Variants in PIAS3 observed in about 807,000 individuals in gnomAD.
The protein encoded by PIAS3 is protein inhibitor of activated STAT 3.
In PIAS3, 34 loss-of-function variants were observed where a neutral mutation model predicts 67.6. The ratio of observed to expected loss-of-function variants is 0.50; its 90% CI spans 0.38 to 0.67. The LOEUF (loss-of-function observed/expected upper bound fraction) is 0.67, where lower values mean the gene tolerates loss of function less well. PIAS3 is among the 30% of genes least tolerant of loss of function. The pLI, the probability that PIAS3 is intolerant of heterozygous loss-of-function variation, is 0.00. For synonymous variants in PIAS3, 341 were observed against 313.8 expected (o/e 1.09, Z -0.92); for missense variants, 693 against 791.6 (o/e 0.88, Z 1.49).
In PIAS3 at chr1:145,854,828, G is replaced by A; in HGVS notation, c.722C>T (p.Pro241Leu). The change falls in exon 6 of 14, where the codon CCC becomes CTC. Residue 241 changes from proline (P) to leucine (L), a missense_variant. Around this residue, in one of 3 missense-constraint regions of PIAS3, gnomAD observed 308 missense variants for 348.8 expected, o/e 0.88. Transcript: ENST00000393045. ...NGAEPKRPSR[P>L]INITPLARLS... ...TCGAGCCAGGGGTGTGATGTTGATG[G>A]GGCGGCTGGGCCTCTTGGGCTCGGC... is the stretch of plus-strand genomic sequence containing the variant. 6.2e-7 allele frequency: 1 copy of A among 1,614,216 alleles called. No homozygotes were observed. Among genetic ancestry groups the A allele is most frequent in the Non-Finnish European group, 8.5e-7 (1 of 1,180,022 alleles).
At chr1:145,851,305 C>G in intron 9 of PIAS3, 152 bp from the exon 10 acceptor site, 1 of 741,660 alleles carries the variant, frequency 1.3e-6, no homozygotes. Context: ...TTGTTGGAAT[C>G]AAATAACACA....
intron 9 of PIAS3, 80 bp downstream of exon 9, chr1:145,853,419 AAAAAG>A (rs781832614): frequency 1.2e-5 from 14 of 1,163,456 alleles, no homozygotes; most frequent in Middle Eastern, 2.4e-4. Context: ...CAAAAAAAAA[AAAAAG>A]AAAAGAAAAA....
intron 1 of PIAS3, among the ~76,000 whole-genome samples, chr1:145,857,844 C>T (rs1553735930): frequency 1.3e-5 from 2 of 152,110 alleles, no homozygotes; most frequent in Non-Finnish European, 2.9e-5. Flanking sequence ...ACTTACAGCG[C>T]CCCCCTATAG....
chr1:145,858,956 G>A lies in PIAS3; in HGVS notation c.24+11C>T, dbSNP rs781929284. ...TGAGTCCAGATGGGGATGGGGGGAG[G>A]GGGCCGGTACCTTTAATTCGCCCAG... On this transcript the variant is annotated intron_variant, in intron 1 of 13. Transcript: ENST00000393045. 6 of 1,526,592 alleles carry A rather than the reference G, an allele frequency of 3.9e-6. No individual in the cohort carries two copies. In the African/African-American group the frequency reaches 7.1e-5, roughly 18 times the overall value. 94.6% of individuals were successfully genotyped at this position (1,526,592 alleles called of 1,614,324 possible). A position where few individuals can be genotyped will look rare whatever the true frequency, so the allele number is the denominator to read the frequency against.
In PIAS3 at chr1:145,856,772, C is replaced by T. The variant is rs145073158; in HGVS notation, c.259G>A (p.Val87Ile). 7 of 1,613,948 alleles carry T rather than the reference C, an allele frequency of 4.3e-6. No homozygotes were observed. Among genetic ancestry groups the T allele is most frequent in the Non-Finnish European group, 5.9e-6 (7 of 1,179,998 alleles). ...GGAGCTAGAGGACCAGGGGAGCCTA[C>T]AGGAGAGGTGCCAGGGGGCAAAGAG... Reference protein sequence around the residue: ...LLSLPPGTSPVGSPGPLAPIP... With the variant: ...LLSLPPGTSPIGSPGPLAPIP... The change falls in exon 2 of 14, where the codon GTA becomes ATA. Residue 87 changes from valine (V) to isoleucine (I), a missense_variant. Transcript: ENST00000393045.
Position 145,853,838 on chromosome 1 carries a change from C to T in PIAS3, c.959G>A (p.Ser320Asn), listed in dbSNP as rs1570775579. The T allele has an allele frequency of 1.2e-6, 2 of 1,614,084 alleles. No individual in the cohort carries two copies. Among genetic ancestry groups the T allele is most frequent in the East Asian group, 4.5e-5 (2 of 44,882 alleles). Residue 320 changes from serine (S) to asparagine (N), a missense_variant, in exon 8 of 14, where the codon AGT (serine) becomes AAT (asparagine). Around this residue, in one of 3 missense-constraint regions of PIAS3, gnomAD observed 115 missense variants for 181.8 expected, o/e 0.63. Coordinates refer to ENST00000393045, the MANE Select transcript of PIAS3 (RefSeq NM_006099.3). The stretch of plus-strand genomic sequence containing the variant: ...CGGGCACATGAGTGACACCCGGAGA[C>T]TTGTAGTGGCCACCTCACTGTCAGG... ...ADPDSEVATT[S>N]LRVSLMCPLG... is the part of the protein sequence containing the mutation.
chr1:145,856,305 G>T, intron 3 of PIAS3, 42 bp downstream of exon 3: 1 of 1,520,136 alleles, frequency 6.6e-7, no homozygotes, highest in Non-Finnish European at 9.1e-7. Context: ...AAGTCAGAAA[G>T]CAGAGACCAG....
At chr1:145,853,371 C>T in intron 9 of PIAS3, 133 bp downstream of exon 9, 1 of 657,840 alleles carries the variant, frequency 1.5e-6, no homozygotes, top group Non-Finnish European at 2.4e-6. Flanking sequence ...GATTGTGCCA[C>T]TGCACTCCAG....
chr1:145,858,940 A>T lies in PIAS3; in HGVS notation c.24+27T>A, dbSNP rs377332531. The stretch of plus-strand genomic sequence containing the variant: ...CGGCGTACCGCCGGGCTGAGTCCAG[A>T]TGGGGATGGGGGGAGGGGGCCGGTA... On this transcript the variant is annotated intron_variant, in intron 1 of 13. Coordinates refer to ENST00000393045, the MANE Select transcript of PIAS3 (RefSeq NM_006099.3). 6 of 1,508,622 alleles carry T rather than the reference A, an allele frequency of 4.0e-6. No individual in the cohort carries two copies. The African/African-American group carries it at 8.7e-5, about 22-fold the overall frequency. The allele number at this position is 1,508,622 out of a possible 1,614,324, so 93.5% of individuals were successfully genotyped here.
At position 145,850,957 on chromosome 1, in the gene PIAS3, A is replaced by G. The variant is rs1411445001; in HGVS notation, c.1280-18T>C. On this transcript the variant is annotated intron_variant, in intron 10 of 13. Coordinates refer to ENST00000393045, the MANE Select transcript of PIAS3 (RefSeq NM_006099.3). Reference sequence around the variant, plus strand: ...CTGGAGGCCTGTGGGTATTAAGAAGACTACGTCTCAGAGAAGAGGCCATCC... The same window carrying G: ...CTGGAGGCCTGTGGGTATTAAGAAGGCTACGTCTCAGAGAAGAGGCCATCC... 5 of 1,614,098 alleles carry G rather than the reference A, an allele frequency of 3.1e-6. No homozygotes were observed. In the Admixed American group the frequency reaches 8.3e-5, roughly 27 times the overall value.
intron 12 of PIAS3, 79 bp downstream of exon 12, chr1:145,850,374 T>C: frequency 6.2e-7 from 1 of 1,611,162 alleles, no homozygotes; most frequent in South Asian, 1.1e-5. Context: ...GCAGGAGGCT[T>C]TGAGAAGGAA....
At position 145,856,673 on chromosome 1, in the gene PIAS3, G is replaced by A; in HGVS notation, c.358C>T (p.Pro120Ser). The change falls in exon 2 of 14, where the codon CCC (proline) becomes TCC (serine). Residue 120 changes from proline (P) to serine (S), a missense_variant. Pro to Ser is a moderately conservative substitution (Grantham distance 74). Around this residue, in one of 3 missense-constraint regions of PIAS3, gnomAD observed 308 missense variants for 348.8 expected, o/e 0.88. Transcript: ENST00000393045. ...GTGACATCAGGGTGCACAGGCTGGG[G>A]CAGAGGGGGGTGCATGTCCACCTCA... ...KREVDMHPPL[P>S]QPVHPDVTMK... The A allele has an allele frequency of 6.2e-7, 1 of 1,606,660 alleles. No individual in the cohort carries two copies. Among genetic ancestry groups the A allele is most frequent in the Non-Finnish European group, 8.5e-7 (1 of 1,175,324 alleles).
In PIAS3 at chr1:145,848,656, C is replaced by T. The variant is rs1652831072; in HGVS notation, c.*790G>A. On this transcript the variant is annotated 3_prime_UTR_variant, in exon 14 of 14. Coordinates refer to ENST00000393045, the MANE Select transcript of PIAS3 (RefSeq NM_006099.3). ...GGAAGGAGGGCACAGGGTCCTTCCA[C>T]CTCCCTGGAAAGGTGCAGAATGAGC... 3.4e-6 allele frequency: 2 copies of T among 590,896 alleles called. No individual in the cohort carries two copies. The highest frequency in any genetic ancestry group is 3.7e-5 in the African/African-American group (2 of 53,744). The allele number at this position is 590,896 out of a possible 1,614,324, so 36.6% of individuals were successfully genotyped here.
chr1:145,857,021 A>G lies in PIAS3; in HGVS notation c.25-15T>C, dbSNP rs1653217137. The G allele has an allele frequency of 1.2e-6, 2 of 1,611,418 alleles. No individual in the cohort carries two copies. On this transcript the variant is annotated splice_polypyrimidine_tract_variant and intron_variant, in intron 1 of 13. Transcript: ENST00000393045. ...ATCACCATGTGCTGTGGAGAAAAAC[A>G]GAGAAGCTTGAGCATCCTCCCTTGC...
At chr1:145,857,198 CCATCAGGTCAG>C in intron 1 of PIAS3, 192 bp from the exon 2 acceptor site, 1 of 603,540 alleles carries the variant, frequency 1.7e-6, no homozygotes, top group Non-Finnish European at 3.0e-6. Context: ...ACTTTAGCAA[CCATCAGGTCAG>C]CATCATCACC....
In PIAS3 at chr1:145,853,538, T is replaced by C; in HGVS notation, c.1111A>G (p.Lys371Glu). Residue 371 changes from lysine to glutamate, a missense_variant, in exon 9 of 14, where the codon AAG becomes GAG. Transcript: ENST00000393045. ...ATAAGAGATTCATAGGGAGCCTTCT[T>C]GTCACACACAGGACATGTCCATGTA... ...KPTWTCPVCD[K>E]KAPYESLIID... 6.2e-7 allele frequency: 1 copy of C among 1,613,488 alleles called. No homozygotes were observed. Among genetic ancestry groups the C allele is most frequent in the Non-Finnish European group, 8.5e-7 (1 of 1,179,810 alleles).
intron 7 of PIAS3, 25 bp from the exon 8 acceptor site, chr1:145,853,911 C>T (rs917744659): frequency 1.2e-6 from 2 of 1,609,608 alleles, no homozygotes; most frequent in Non-Finnish European, 8.5e-7. Context: ...AGGCCAGAGC[C>T]ATGGGGTCAG....
chr1:145,854,196 G>A, intron 7 of PIAS3: 1 of 596,020 alleles, frequency 1.7e-6, no homozygotes, highest in African/African-American at 1.9e-5. Context: ...AGTCCGGAGA[G>A]CCCATATTCT....
In PIAS3 at chr1:145,855,778, G is replaced by T. The variant is rs1653147418; in HGVS notation, c.627C>A (p.Pro209=). ...TSCPQEDYFP[P]NLFVKVNGKL... is the part of the protein sequence containing the mutation. ...TCCCATTGACCTTGACAAAGAGGTTGGGGGGAAAATAATCTTCCTGGGGGC... is the reference window on the plus strand; with the variant it reads ...TCCCATTGACCTTGACAAAGAGGTTTGGGGGAAAATAATCTTCCTGGGGGC... The change falls in exon 5 of 14, where the codon CCC becomes CCA. Residue 209 remains proline, a synonymous_variant. Transcript: ENST00000393045. The T allele has an allele frequency of 4.3e-6, 7 of 1,609,944 alleles. No homozygotes were observed. Among genetic ancestry groups the T allele is most frequent in the Non-Finnish European group, 6.0e-6 (7 of 1,176,260 alleles).
Sources: gnomAD v4.1 joint callset for allele counts (sites outside exome capture counted in the v4.1 genomes callset) on GRCh38, gnomAD v4.1.1 for gene constraint, gnomAD v4.1.1 regional missense constraint, MANE v1.5 for transcripts, NCBI Gene and HGNC (gene_info 2026-07-23, HGNC 2026-07-21) for gene names.